Variants in BCAS4 observed in about 807,000 individuals in gnomAD.
BCAS4 encodes breast carcinoma amplified sequence 4, also known as breast carcinoma-amplified sequence 4.
BCAS4 carries 9 observed loss-of-function variants against 15.7 expected under a neutral mutation model. That is an observed-to-expected ratio of 0.57 (90% CI 0.34 to 1.00). The LOEUF (loss-of-function observed/expected upper bound fraction) is 1.00. Ranked by LOEUF, BCAS4 falls within the 50% of genes least tolerant of loss-of-function variation. The probability of loss-of-function intolerance (pLI) is 0.02; values close to 1 mark genes in which losing one functional copy is unlikely to be tolerated. For missense variants in BCAS4, 225 were observed against 239.1 expected (o/e 0.94, Z 0.39); for synonymous variants, 101 against 99.5 (o/e 1.02, Z -0.09).
downstream of BCAS4, chr20:50,881,974 T>A (rs1980124462): frequency 1.3e-5 from 2 of 152,360 alleles, no homozygotes; most frequent in Admixed American, 6.5e-5. Flanking sequence ...CTGGTGATAT[T>A]TTGAAGAAAC....
chr20:50,834,449 C>A (rs143898202), intron 3 of BCAS4, among the ~76,000 whole-genome samples: 3 of 151,920 alleles, frequency 2.0e-5, no homozygotes, highest in Non-Finnish European at 4.4e-5. Context: ...GAAGGCCCAC[C>A]ACACCTGGCT....
chr20:50,798,466 G>A (rs2087892191), intron 1 of BCAS4, among the ~76,000 whole-genome samples: 1 of 152,220 alleles, frequency 6.6e-6, no homozygotes, highest in Admixed American at 6.5e-5. Flanking sequence ...TTGAGCCCAA[G>A]GAGTTCAAGA....
At chr20:50,856,174 G>A (rs1219377412) in intron 4 of BCAS4, among the ~76,000 whole-genome samples, 1 of 152,246 alleles carries the variant, frequency 6.6e-6, no homozygotes, top group Non-Finnish European at 1.5e-5. Flanking sequence ...TGAGTCGTTT[G>A]TCAGTGCAGA....
At chr20:50,866,712 GCCCCACACAGC>G (rs1979376391) in intron 4 of BCAS4, among the ~76,000 whole-genome samples, 1 of 152,152 alleles carries the variant, frequency 6.6e-6, no homozygotes, top group Non-Finnish European at 1.5e-5. Context: ...CTCACCCCCA[GCCCCACACAGC>G]TCCGGGGGTG....
intron 3 of BCAS4, among the ~76,000 whole-genome samples, chr20:50,833,880 A>G (rs2088374631): frequency 6.6e-6 from 1 of 152,138 alleles, no homozygotes; most frequent in South Asian, 2.1e-4. Context: ...GCAAGAGCAC[A>G]CACCAAGGGG....
At chr20:50,873,200 T>G (rs534248441) in intron 4 of BCAS4, among the ~76,000 whole-genome samples, 1 of 152,328 alleles carries the variant, frequency 6.6e-6, no homozygotes, top group Admixed American at 6.5e-5. Context: ...TTCTTCATAA[T>G]GATATTGATT....
At chr20:50,810,086 C>T (rs2088041656) in intron 1 of BCAS4, among the ~76,000 whole-genome samples, 1 of 151,764 alleles carries the variant, frequency 6.6e-6, no homozygotes, top group South Asian at 2.1e-4. Flanking sequence ...GTTTGGATGC[C>T]CTTTATTTCT....
At chr20:50,801,252 C>A (rs1174814910) in intron 1 of BCAS4, among the ~76,000 whole-genome samples, 3 of 152,022 alleles carry the variant, frequency 2.0e-5, no homozygotes, top group Non-Finnish European at 2.9e-5. Flanking sequence ...CATGGTGAAA[C>A]CCTGTCTCTA....
At chr20:50,800,813 C>T (rs112511536) in intron 1 of BCAS4, among the ~76,000 whole-genome samples, 20,900 of 151,990 alleles carry the variant, frequency 0.14, 1,529 homozygotes, top group South Asian at 0.16. Context: ...CCACCTGCCT[C>T]GGCCTCCCAA....
In BCAS4 at chr20:50,795,164, TG is replaced by T; in HGVS notation, c.85del (p.Ala29ProfsTer26). On this transcript the variant is annotated frameshift_variant, in exon 1 of 5. Transcript: ENST00000371608. LOFTEE classifies it high-confidence loss of function. ...TCGCGCTCTTCCTGACCCCCGAGCCTGGGGCCGAGGTAGGGGACGGGGCTGT... is the reference window on the plus strand; with the variant it reads ...TCGCGCTCTTCCTGACCCCCGAGCCTGGGCCGAGGTAGGGGACGGGGCTGT... The part of the protein sequence containing the change: ...ELALFLTPEP[G>X]AEAKEVEETI... 2 of 1,424,814 alleles carry T rather than the reference TG, an allele frequency of 1.4e-6. No homozygotes were observed. The highest frequency in any genetic ancestry group is 1.9e-6 in the Non-Finnish European group (2 of 1,079,902). The allele number at this position is 1,424,814 out of a possible 1,614,324, so 88.3% of individuals were successfully genotyped here.
At chr20:50,877,886 C>T (rs1980027259), downstream of BCAS4, 1 of 152,082 alleles carries the variant, frequency 6.6e-6, no homozygotes, top group South Asian at 2.1e-4. Flanking sequence ...ATAATGAGAC[C>T]ATATCTCTAC....
chr20:50,842,147 G>A (rs1349856209), intron 4 of BCAS4, among the ~76,000 whole-genome samples: 1 of 152,176 alleles, frequency 6.6e-6, no homozygotes, highest in Non-Finnish European at 1.5e-5. Flanking sequence ...GCCATCTGAG[G>A]TTACTGTGGT....
chr20:50,854,797 C>T (rs923116483), intron 4 of BCAS4, among the ~76,000 whole-genome samples: 8 of 152,216 alleles, frequency 5.3e-5, no homozygotes, highest in Admixed American at 2.0e-4. Context: ...GTGTCTCTGA[C>T]GTCTTCAAGG....
At chr20:50,848,548 A>G (rs1240880144) in intron 4 of BCAS4, among the ~76,000 whole-genome samples, 1 of 152,220 alleles carries the variant, frequency 6.6e-6, no homozygotes, top group Non-Finnish European at 1.5e-5. Flanking sequence ...GCAGGGTCTC[A>G]AGGCCACACA....
intron 4 of BCAS4, among the ~76,000 whole-genome samples, chr20:50,844,461 C>A (rs2088519200): frequency 6.6e-6 from 1 of 152,076 alleles, no homozygotes; most frequent in Non-Finnish European, 1.5e-5. Flanking sequence ...AAACAAAAAA[C>A]AAATTTAAGA....
chr20:50,863,966 C>A (rs1979227134), intron 4 of BCAS4, among the ~76,000 whole-genome samples: 1 of 152,256 alleles, frequency 6.6e-6, no homozygotes, highest in African/African-American at 2.4e-5. Context: ...AATTCTACCA[C>A]CGTTGCCACC....
rs116676247 is a variant in BCAS4, at chr20:50,814,677, A to C, written c.91-3534A>C. On this transcript the variant is annotated intron_variant, in intron 1 of 4. Transcript: ENST00000371608. ...ATTTATTAGCTGTGTGAGCTTGGGC[A>C]AGGGACTTAACCTCTCTGATCCTCT... 3.5e-3 allele frequency among the ~76,000 whole-genome samples: 536 copies of C among 152,382 alleles called. 2 individuals carry two copies. Among genetic ancestry groups the C allele is most frequent in the African/African-American group, 0.012 (510 of 41,594 alleles).
intron 4 of BCAS4, among the ~76,000 whole-genome samples, chr20:50,846,132 C>T (rs1016242449): frequency 3.3e-5 from 5 of 152,268 alleles, no homozygotes; most frequent in African/African-American, 7.2e-5. Flanking sequence ...TACGCATGAC[C>T]ATGCTACAAC....
intron 4 of BCAS4, among the ~76,000 whole-genome samples, chr20:50,858,234 G>T (rs1978868211): frequency 6.6e-6 from 1 of 152,198 alleles, no homozygotes; most frequent in Non-Finnish European, 1.5e-5. Context: ...TATATAGAGA[G>T]AATTTGCATA....
Sources: allele counts gnomAD v4.1 joint callset (sites outside exome capture counted in the v4.1 genomes callset), GRCh38; gene constraint gnomAD v4.1.1; transcripts MANE v1.5; gene names NCBI Gene and HGNC (gene_info 2026-07-23, HGNC 2026-07-21).